The following MST1R variants were observed in gnomAD, a reference collection of about 807,000 sequenced individuals.
The protein encoded by MST1R is macrophage stimulating 1 receptor, also known as macrophage-stimulating protein receptor.
Under a neutral mutation model 117.8 loss-of-function variants are expected in MST1R, and 99 were observed. That is an observed-to-expected ratio of 0.84 (90% confidence interval 0.71 to 0.99). The LOEUF is 0.99. Among genes scored for constraint, MST1R ranks in the 50% least tolerant of loss-of-function variants. The probability of loss-of-function intolerance (pLI) is 0.00; values close to 1 mark genes in which losing one functional copy is unlikely to be tolerated. For synonymous variants in MST1R, 734 were observed against 765.3 expected (o/e 0.96, Z 0.68); for missense variants, 1,683 against 1,840.2 (o/e 0.91, Z 1.56).
rs1205157741 is a variant in MST1R, at chr3:49,895,371, G to A, written c.3067C>T (p.Leu1023Phe). 6.2e-7 allele frequency: 1 copy of A among 1,614,254 alleles called. No individual in the cohort carries two copies. The highest frequency in any genetic ancestry group is 1.7e-5 in the Admixed American group (1 of 60,028). ...SGSDYRSGLALPAIDGLDSTT... is the reference protein window; with the variant it reads ...SGSDYRSGLAFPAIDGLDSTT... ...GAATCCAGACCATCAATGGCAGGGA[G>A]TGCTGTGGGGAGAGGGAATGAGGAG... The change falls in exon 14 of 20, where the codon CTC (leucine) becomes TTC (phenylalanine). Residue 1023 changes from leucine (L) to phenylalanine (F), a missense_variant and splice_region_variant. By Grantham distance (22) the Leu-to-Phe change is conservative. Coordinates refer to ENST00000296474, the MANE Select transcript of MST1R (RefSeq NM_002447.4).
intron 14 of MST1R, 52 bp downstream of exon 14, chr3:49,895,115 C>G: frequency 6.2e-7 from 1 of 1,602,928 alleles, no homozygotes; most frequent in Non-Finnish European, 8.5e-7. Flanking sequence ...CTGGCCTAGC[C>G]TATGTCATCT....
intron 14 of MST1R, among the ~76,000 whole-genome samples, chr3:49,892,369 G>A (rs1322393257): frequency 6.6e-6 from 1 of 151,554 alleles, no homozygotes; most frequent in Non-Finnish European, 1.5e-5. Flanking sequence ...TCAGGAGTTT[G>A]AGACCAGCCT....
chr3:49,896,975 A>C (rs1448837561), intron 7 of MST1R, 85 bp from the exon 8 acceptor site: 7 of 1,413,716 alleles, frequency 5.0e-6, no homozygotes, highest in Non-Finnish European at 5.6e-6. Context: ...GACCTCTCCC[A>C]GTTCGTCTGT....
In MST1R at chr3:49,899,010, A is replaced by T; in HGVS notation, c.1420-15T>A. The T allele has an allele frequency of 6.2e-7, 1 of 1,614,172 alleles. No homozygotes were observed. The highest frequency in any genetic ancestry group is 8.5e-7 in the Non-Finnish European group (1 of 1,180,022). ...ACCAGCTCCACCTAGGACAGGTCAG[A>T]TGTGAGCAAAATGGGGATGGAGACA... On this transcript the variant is annotated splice_polypyrimidine_tract_variant and intron_variant, in intron 2 of 19. Transcript: ENST00000296474.
chr3:49,897,474 G>T (rs763129719), intron 6 of MST1R, 46 bp downstream of exon 6: 1 of 1,609,868 alleles, frequency 6.2e-7, no homozygotes, highest in Non-Finnish European at 8.5e-7. Flanking sequence ...CTCCCTTCCC[G>T]TACCATGCAC....
chr3:49,892,302 GT>G (rs919983505), intron 14 of MST1R, among the ~76,000 whole-genome samples: 8 of 151,826 alleles, frequency 5.3e-5, no homozygotes, highest in African/African-American at 1.9e-4. Context: ...GCTGCGTGCA[GT>G]GGCTCACACC....
chr3:49,902,730 G>A lies in MST1R; in HGVS notation c.880C>T (p.Arg294Trp), dbSNP rs747692134. 4.3e-6 allele frequency: 7 copies of A among 1,613,666 alleles called. No homozygotes were observed. The highest frequency in any genetic ancestry group is 4.0e-5 in the African/African-American group (3 of 74,958). Reference protein sequence around the residue: ...SATEPELGDYRELVLDCRFAP... With the variant: ...SATEPELGDYWELVLDCRFAP... ...AATCTGCAGTCGAGGACCAGCTCCC[G>A]ATAGTCACCCAACTCTGGCTCAGTG... The change falls in exon 1 of 20, where the codon CGG becomes TGG. Residue 294 changes from arginine to tryptophan, a missense_variant. By Grantham distance (101) the Arg-to-Trp change is moderately radical. Transcript: ENST00000296474.
rs2082737273 is a variant in MST1R at position 49,902,940 on chromosome 3, C to T, written c.670G>A (p.Asp224Asn). Residue 224 changes from aspartate (D) to asparagine (N), a missense_variant, in exon 1 of 20, where the codon GAC becomes AAC. Transcript: ENST00000296474. ...RSVSIRRLKA[D>N]ASGFAPGFVA... The stretch of plus-strand genomic sequence containing the variant: ...AAGCCCGGTGCGAATCCCGAGGCGT[C>T]AGCCTTGAGACGCCTGATAGACACT... The T allele has an allele frequency of 1.2e-6, 2 of 1,613,400 alleles. No homozygotes were observed. Among genetic ancestry groups the T allele is most frequent in the South Asian group, 2.2e-5 (2 of 91,090 alleles).
Position 49,903,792 on chromosome 3 carries a change from GGTCT to G in MST1R, c.-187_-184del. On this transcript the variant is annotated 5_prime_UTR_variant, in exon 1 of 20. Coordinates refer to ENST00000296474, the MANE Select transcript of MST1R (RefSeq NM_002447.4). ...AACCCAAATCCCTTCCCGGCCCTCG[GGTCT>G]GAGCACCTGACGCCTGCGGACGCAC... 2.5e-6 allele frequency: 2 copies of G among 803,210 alleles called. No individual in the cohort carries two copies. The highest frequency in any genetic ancestry group is 3.8e-6 in the Non-Finnish European group (2 of 532,086). The allele number at this position is 803,210 out of a possible 1,614,324, so 49.8% of individuals were successfully genotyped here.
At chr3:49,900,599 C>A (rs1251421361) in intron 1 of MST1R, among the ~76,000 whole-genome samples, 2 of 151,640 alleles carry the variant, frequency 1.3e-5, no homozygotes, top group Non-Finnish European at 2.9e-5. Context: ...GTGCCTACAG[C>A]TTGGGGTGGG....
At chr3:49,896,509 C>A (rs762897182) in intron 9 of MST1R, 31 bp downstream of exon 9, 4 of 1,612,506 alleles carry the variant, frequency 2.5e-6, no homozygotes, top group Non-Finnish European at 3.4e-6. Context: ...ACTCATCCAG[C>A]CTTCCTCCCT....
At position 49,895,494 on chromosome 3, in the gene MST1R, G is replaced by A. The variant is rs2108433722; in HGVS notation, c.3017C>T (p.Thr1006Ile). The A allele has an allele frequency of 6.2e-7, 1 of 1,614,194 alleles. No individual in the cohort carries two copies. The highest frequency in any genetic ancestry group is 1.1e-5 in the South Asian group (1 of 91,088). Residue 1006 changes from threonine (T) to isoleucine (I), a missense_variant, in exon 13 of 20, where the codon ACA becomes ATA. By Grantham distance (89) the Thr-to-Ile change is moderately conservative. Coordinates refer to ENST00000296474, the MANE Select transcript of MST1R (RefSeq NM_002447.4). ...GCCCGAGTACAGAATAGGCAGGGGT[G>A]TGGCTCCAGCAGTCTGGTCCAGGGA... ...LASLDQTAGA[T>I]PLPILYSGSD...
rs1430006149 is a variant in MST1R, at chr3:49,903,190, C to CT, written c.419dup (p.Arg142ProfsTer6). On this transcript the variant is annotated frameshift_variant, in exon 1 of 20. Transcript: ENST00000296474. LOFTEE classifies it high-confidence loss of function. ...CTAGGTCATGCAGGAAGCAGCGGCC[C>CT]TGCAGGCTGGAGCCACAACTGACCA... 6.2e-7 allele frequency: 1 copy of CT among 1,605,564 alleles called. No individual in the cohort carries two copies. The highest frequency in any genetic ancestry group is 8.5e-7 in the Non-Finnish European group (1 of 1,179,978).
intron 17 of MST1R, 79 bp from the exon 18 acceptor site, chr3:49,890,729 ATTTTTT>A: frequency 1.7e-6 from 2 of 1,151,046 alleles, no homozygotes; most frequent in Non-Finnish European, 2.3e-6. Flanking sequence ...CCCTTACAGA[ATTTTTT>A]TTTTTTTTGA....
At chr3:49,895,679 G>A (rs765120267) in intron 12 of MST1R, 36 bp downstream of exon 12, 1 of 1,612,468 alleles carries the variant, frequency 6.2e-7, no homozygotes, top group African/African-American at 1.3e-5. Context: ...TTGGTTGGGG[G>A]TAGGGGCTGA....
chr3:49,891,752 A>T lies in MST1R; in HGVS notation c.3352+6T>A, dbSNP rs766844955. 2.5e-6 allele frequency: 4 copies of T among 1,614,030 alleles called. No homozygotes were observed. The highest frequency in any genetic ancestry group is 3.4e-6 in the Non-Finnish European group (4 of 1,179,956). The stretch of plus-strand genomic sequence containing the variant: ...CCTCTGCCTTCCCATCTTCTGCCCC[A>T]CTTACGACTTAGTGACTTGATGGCA... On this transcript the variant is annotated splice_donor_region_variant and intron_variant, in intron 15 of 19. Coordinates refer to ENST00000296474, the MANE Select transcript of MST1R (RefSeq NM_002447.4).
At position 49,895,558 on chromosome 3, in the gene MST1R, G is replaced by A; in HGVS notation, c.2963-10C>T. ...AGGTTGGGAGGAAGAACTGTGGAAA[G>A]AGAATCCTTGGTGGCTTGGCTTTCC... On this transcript the variant is annotated splice_polypyrimidine_tract_variant and intron_variant, in intron 12 of 19. Transcript: ENST00000296474. The A allele has an allele frequency of 1.9e-6, 3 of 1,614,048 alleles. No individual in the cohort carries two copies. The highest frequency in any genetic ancestry group is 8.5e-7 in the Non-Finnish European group (1 of 1,179,954).
At chr3:49,890,725 C>G in intron 17 of MST1R, 75 bp from the exon 18 acceptor site, 1 of 1,439,712 alleles carries the variant, frequency 6.9e-7, no homozygotes, top group Non-Finnish European at 9.3e-7. Context: ...TAGGCCCTTA[C>G]AGAATTTTTT....
chr3:49,887,777 G>A (rs1019465255), intron 19 of MST1R, among the ~76,000 whole-genome samples: 2 of 152,240 alleles, frequency 1.3e-5, no homozygotes, highest in African/African-American at 4.8e-5. Context: ...ACTACCTCAG[G>A]TGTTAAGAGC....
Sources: allele counts gnomAD v4.1 joint callset (sites outside exome capture counted in the v4.1 genomes callset), GRCh38; gene constraint gnomAD v4.1.1; transcripts MANE v1.5; gene names NCBI Gene and HGNC (gene_info 2026-07-23, HGNC 2026-07-21).